Variants in TNRC6B observed in about 807,000 individuals in gnomAD.
TNRC6B encodes the protein trinucleotide repeat containing adaptor 6B.
Under a neutral mutation model 203.6 loss-of-function variants are expected in TNRC6B, and 52 were observed. The ratio of observed to expected loss-of-function variants is 0.26; its 90% CI spans 0.20 to 0.32. The LOEUF (loss-of-function observed/expected upper bound fraction) is 0.32, where lower values mean the gene tolerates loss of function less well. Among genes scored for constraint, TNRC6B ranks in the 10% least tolerant of loss-of-function variants. The pLI, the probability that TNRC6B is intolerant of heterozygous loss-of-function variation, is 1.00. For synonymous variants in TNRC6B, 838 were observed against 845.7 expected (o/e 0.99, Z 0.16); for missense variants, 1,923 against 2,286.2 (o/e 0.84, Z 3.24).
At position 40,226,908 on chromosome 22, in the gene TNRC6B, A is replaced by C. The variant is rs1291036225; in HGVS notation, c.6-19107A>C. Among the ~76,000 whole-genome samples the C allele has an allele frequency of 2.0e-5, 3 of 151,478 alleles. No homozygotes were observed. The East Asian group carries it at 5.8e-4, about 29-fold the overall frequency. On this transcript the variant is annotated intron_variant, in intron 1 of 22. Transcript: ENST00000454349. ...AGGCAGGAGGCCTCCTAGAACCACT[A>C]GTTTTTGTTTTTGTTTTTTGAGACA...
intron 1 of TNRC6B, among the ~76,000 whole-genome samples, chr22:40,191,095 G>A (rs1429198195): frequency 1.3e-5 from 2 of 152,284 alleles, no homozygotes; most frequent in Non-Finnish European, 2.9e-5. Context: ...TCTCCCCCAA[G>A]GAGGAAACAT....
chr22:40,113,957 T>TA (rs2068364783), intron 1 of TNRC6B, among the ~76,000 whole-genome samples: 2 of 152,152 alleles, frequency 1.3e-5, no homozygotes, highest in Non-Finnish European at 2.9e-5. Context: ...GCGACTCAAT[T>TA]AAAAGTTTAT....
chr22:40,238,423 A>G (rs1414667713), intron 1 of TNRC6B, among the ~76,000 whole-genome samples: 1 of 152,162 alleles, frequency 6.6e-6, no homozygotes, highest in Non-Finnish European at 1.5e-5. Flanking sequence ...ACCAGAAAAT[A>G]TGTGCTGGTT....
chr22:40,194,521 G>A (rs778700875), intron 1 of TNRC6B, among the ~76,000 whole-genome samples: 13 of 152,176 alleles, frequency 8.5e-5, no homozygotes, highest in South Asian at 6.2e-4. Context: ...AATATTTGGC[G>A]TGGTGTGGAA....
At chr22:40,319,045 T>A (rs761983810) in intron 21 of TNRC6B, among the ~76,000 whole-genome samples, 52 of 152,180 alleles carry the variant, frequency 3.4e-4, no homozygotes, top group Non-Finnish European at 6.9e-4. Flanking sequence ...CACTCCAGCC[T>A]GGGTAACAGA....
chr22:40,127,567 T>G (rs1176582232), intron 3 of TNRC6B, among the ~76,000 whole-genome samples: 1 of 152,126 alleles, frequency 6.6e-6, no homozygotes, highest in Non-Finnish European at 1.5e-5. Context: ...CCTAATTTAC[T>G]AATTGATAGT....
At chr22:40,189,888 C>T (rs1601870615) in intron 1 of TNRC6B, among the ~76,000 whole-genome samples, 1 of 151,992 alleles carries the variant, frequency 6.6e-6, no homozygotes, top group Non-Finnish European at 1.5e-5. Flanking sequence ...CCATTTGTTA[C>T]CATCATTTCA....
chr22:40,245,351 A>G (rs1213820136), intron 1 of TNRC6B, among the ~76,000 whole-genome samples: 2 of 152,132 alleles, frequency 1.3e-5, no homozygotes. Context: ...TCAGCCTCCC[A>G]GAGTGCTGGG....
intron 7 of TNRC6B, among the ~76,000 whole-genome samples, chr22:40,276,037 A>G (rs924172555): frequency 1.3e-5 from 2 of 151,880 alleles, no homozygotes; most frequent in African/African-American, 4.8e-5. Context: ...TTCAAGGATA[A>G]TAAAATTGAT....
intron 3 of TNRC6B, among the ~76,000 whole-genome samples, chr22:40,257,854 C>T (rs1357265461): frequency 1.3e-5 from 2 of 151,888 alleles, no homozygotes; most frequent in Non-Finnish European, 2.9e-5. Context: ...GAAACTCCGT[C>T]TCTGTTAAAC....
chr22:40,197,515 C>T (rs2069356413), intron 1 of TNRC6B, among the ~76,000 whole-genome samples: 1 of 151,846 alleles, frequency 6.6e-6, no homozygotes, highest in Non-Finnish European at 1.5e-5. Context: ...TCTCAAACTC[C>T]TGACCTCATG....
exon 3 of TNRC6B, chr22:40,125,815 C>A (rs192674357): frequency 2.5e-6 from 4 of 1,611,294 alleles, no homozygotes; most frequent in East Asian, 4.5e-5. Context: ...AAAATCTGTT[C>A]CCATGCAAAC....
intron 3 of TNRC6B, among the ~76,000 whole-genome samples, chr22:40,127,160 C>CT (rs1488795372): frequency 6.6e-6 from 1 of 151,938 alleles, no homozygotes; most frequent in Non-Finnish European, 1.5e-5. Context: ...CTTAGTATTA[C>CT]TTTTACTTCC....
At chr22:40,229,381 G>T (rs1039102384) in intron 1 of TNRC6B, among the ~76,000 whole-genome samples, 3 of 151,448 alleles carry the variant, frequency 2.0e-5, no homozygotes, top group African/African-American at 7.3e-5. Context: ...TCTCACTTAC[G>T]GGGCTGTGTC....
At chr22:40,089,921 T>C (rs2068136374) in intron 1 of TNRC6B, among the ~76,000 whole-genome samples, 1 of 152,222 alleles carries the variant, frequency 6.6e-6, no homozygotes, top group Non-Finnish European at 1.5e-5. Context: ...TTCCAGATGT[T>C]ATGTAGTTGG....
intron 12 of TNRC6B, among the ~76,000 whole-genome samples, chr22:40,294,011 A>G (rs1327913598): frequency 6.8e-6 from 1 of 148,018 alleles, no homozygotes. Flanking sequence ...GGAGGCTGAG[A>G]CAGGCACTTG....
intron 1 of TNRC6B, among the ~76,000 whole-genome samples, chr22:40,185,472 GAC>G (rs762060578): frequency 5.6e-4 from 86 of 152,324 alleles, no homozygotes; most frequent in Non-Finnish European, 1.1e-3. Context: ...AGGGAGGAGA[GAC>G]ACTGATTTTA....
At chr22:40,195,043 A>C (rs1238772846) in intron 1 of TNRC6B, among the ~76,000 whole-genome samples, 1 of 152,180 alleles carries the variant, frequency 6.6e-6, no homozygotes, top group South Asian at 2.1e-4. Context: ...AGGCTTTGCA[A>C]ATGACACATG....
At chr22:40,318,376 T>C (rs900020105) in intron 21 of TNRC6B, among the ~76,000 whole-genome samples, 4 of 152,026 alleles carry the variant, frequency 2.6e-5, no homozygotes, top group Non-Finnish European at 1.5e-5. Context: ...TGAAACCCCA[T>C]CTTTACTAAA....
Sources: allele counts gnomAD v4.1 joint callset (sites outside exome capture counted in the v4.1 genomes callset), GRCh38; gene constraint gnomAD v4.1.1; transcripts MANE v1.5; gene names NCBI Gene and HGNC (gene_info 2026-07-23, HGNC 2026-07-21).